The following KY variants were observed in gnomAD, a reference collection of about 807,000 sequenced individuals.
KY encodes the protein kyphoscoliosis peptidase.
A neutral mutation model predicts 76.1 loss-of-function variants in KY; 43 were observed. The ratio of observed to expected loss-of-function variants is 0.57; its 90% CI spans 0.44 to 0.73. The LOEUF (loss-of-function observed/expected upper bound fraction) is 0.73. Ranked by LOEUF, KY falls within the 30% of genes least tolerant of loss-of-function variation. KY has a pLI of 0.00. For synonymous variants in KY, 277 were observed against 326.2 expected (o/e 0.85, Z 1.63); for missense variants, 722 against 828.9 (o/e 0.87, Z 1.58).
chr3:134,633,075 C>T (rs1167579018), intron 3 of KY, among the ~76,000 whole-genome samples: 1 of 152,014 alleles, frequency 6.6e-6, no homozygotes, highest in East Asian at 1.9e-4. Context: ...AAGCAGATAA[C>T]CTAAGTATTC....
intron 10 of KY, among the ~76,000 whole-genome samples, chr3:134,605,160 G>C (rs968084743): frequency 2.0e-5 from 3 of 151,982 alleles, no homozygotes; most frequent in African/African-American, 7.3e-5. Flanking sequence ...TTTCATCTTC[G>C]TCTGTCCTGG....
Position 134,649,254 on chromosome 3 carries a change from G to A in KY, c.136+1571C>T, listed in dbSNP as rs1210808862. ...TTTTTTCTCTGTCATAGTCACTAGT[G>A]TGCATACATGAGTCTGGAGCCATGG... On this transcript the variant is annotated intron_variant, in intron 1 of 10. Transcript: ENST00000423778. Among the ~76,000 whole-genome samples, 3 of 152,188 alleles carry A rather than the reference G, an allele frequency of 2.0e-5. No homozygotes were observed. The East Asian group carries it at 5.8e-4, about 29-fold the overall frequency.
At chr3:134,645,273 G>A (rs1264248487) in intron 2 of KY, among the ~76,000 whole-genome samples, 1 of 152,192 alleles carries the variant, frequency 6.6e-6, no homozygotes, top group Non-Finnish European at 1.5e-5. Context: ...GCTTCGAAAA[G>A]TTTGGAGCTC....
At chr3:134,615,718 T>C (rs552879625) in intron 8 of KY, among the ~76,000 whole-genome samples, 9 of 152,202 alleles carry the variant, frequency 5.9e-5, no homozygotes, top group South Asian at 2.1e-4. Context: ...AGCATCAGAT[T>C]TGGTGATAAT....
chr3:134,612,493 A>C (rs1442666055), intron 8 of KY, among the ~76,000 whole-genome samples: 1 of 152,098 alleles, frequency 6.6e-6, no homozygotes, highest in Non-Finnish European at 1.5e-5. Flanking sequence ...TCTCAGGATG[A>C]GGAAGTCTGG....
intron 4 of KY, among the ~76,000 whole-genome samples, chr3:134,628,255 C>T (rs899750766): frequency 1.3e-5 from 2 of 152,198 alleles, no homozygotes; most frequent in African/African-American, 4.8e-5. Context: ...AAGGTCAAAA[C>T]CTAGAAAGGT....
rs199625883 is a variant in KY, at chr3:134,619,217, G to T, written c.641C>A (p.Pro214His). The change falls in exon 8 of 11, where the codon CCC becomes CAC. Residue 214 changes from proline (P) to histidine (H), a missense_variant. By Grantham distance (77) the Pro-to-His change is moderately conservative. Transcript: ENST00000423778. ...CTTCTGGGTCCGCAGGATGTCAGTG[G>T]GTTTGAAGGCTTGGCGGTCCTTCTC... ...AQEKDRQAFKPTDILRTQKTN... is the reference protein window; with the variant it reads ...AQEKDRQAFKHTDILRTQKTN... 2 of 1,613,836 alleles carry T rather than the reference G, an allele frequency of 1.2e-6. No homozygotes were observed. The highest frequency in any genetic ancestry group is 1.3e-5 in the African/African-American group (1 of 74,898).
At chr3:134,643,829 C>CT (rs3064322) in intron 2 of KY, among the ~76,000 whole-genome samples, 19,936 of 142,936 alleles carry the variant, frequency 0.14, 1,582 homozygotes, top group South Asian at 0.25. Flanking sequence ...TCTCCTGCTT[C>CT]TTTTTTTTTT....
At chr3:134,633,215 C>T (rs1027108209) in intron 3 of KY, among the ~76,000 whole-genome samples, 9 of 151,954 alleles carry the variant, frequency 5.9e-5, no homozygotes, top group African/African-American at 9.7e-5. Context: ...TAGGATCTTT[C>T]GTAAAACAGA....
chr3:134,626,805 C>T (rs1014719196), intron 5 of KY, among the ~76,000 whole-genome samples: 10 of 152,196 alleles, frequency 6.6e-5, no homozygotes, highest in African/African-American at 1.4e-4. Flanking sequence ...TGTCATCAAC[C>T]GCTGTGCTGT....
At chr3:134,618,535 C>A in intron 8 of KY, among the ~76,000 whole-genome samples, 1 of 133,466 alleles carries the variant, frequency 7.5e-6, no homozygotes, top group Non-Finnish European at 1.6e-5. Flanking sequence ...CATCCCCTCC[C>A]CCCACCCCAC....
chr3:134,643,813 G>A (rs1032952069), intron 2 of KY, among the ~76,000 whole-genome samples: 21 of 150,388 alleles, frequency 1.4e-4, no homozygotes, highest in Non-Finnish European at 3.1e-4. Flanking sequence ...CTGACTCCCA[G>A]TTGAGTCTCC....
intron 3 of KY, among the ~76,000 whole-genome samples, chr3:134,638,424 A>C (rs547371360): frequency 3.3e-5 from 5 of 152,308 alleles, no homozygotes; most frequent in Non-Finnish European, 7.4e-5. Flanking sequence ...CTTGACTATT[A>C]ACCACCACAA....
chr3:134,605,734 C>T (rs909426962), intron 10 of KY, among the ~76,000 whole-genome samples: 1 of 152,018 alleles, frequency 6.6e-6, no homozygotes, highest in Non-Finnish European at 1.5e-5. Context: ...TTCCCTCTGC[C>T]CCCACCCTCC....
At chr3:134,608,105 G>A in intron 10 of KY, 1 of 1,126,772 alleles carries the variant, frequency 8.9e-7, no homozygotes, top group Non-Finnish European at 1.1e-6. Context: ...GACCCATGTT[G>A]CTCCCCATCC....
Position 134,603,787 on chromosome 3 carries a change from C to T in KY, c.1778G>A (p.Arg593Gln), listed in dbSNP as rs745454524. ...CAGCTTCAATTTGAATGGGACATTC[C>T]GGTTGGCAGGAAGCACACCTGACAG... ...EPLSGVLPANRNVPFKLKLHG... is the reference protein window; with the variant it reads ...EPLSGVLPANQNVPFKLKLHG... Residue 593 changes from arginine to glutamine, a missense_variant, in exon 11 of 11, where the codon CGG (arginine) becomes CAG (glutamine). Arg to Gln is a conservative substitution (Grantham distance 43, BLOSUM62 1). Coordinates refer to ENST00000423778, the MANE Select transcript of KY (RefSeq NM_178554.6). The T allele has an allele frequency of 2.9e-5, 46 of 1,613,144 alleles. No individual in the cohort carries two copies. Among genetic ancestry groups the T allele is most frequent in the East Asian group, 2.2e-4 (10 of 44,864 alleles).
At chr3:134,619,908 C>G (rs1962301309) in intron 7 of KY, 1 of 152,652 alleles carries the variant, frequency 6.6e-6, no homozygotes, top group Non-Finnish European at 1.5e-5. Context: ...GGGATGGGAG[C>G]TGAGCTGGGG....
In KY at chr3:134,608,689, C is replaced by G; in HGVS notation, c.1050G>C (p.Gly350=). The G allele has an allele frequency of 6.2e-7, 1 of 1,614,050 alleles. No homozygotes were observed. Among genetic ancestry groups the G allele is most frequent in the South Asian group, 1.1e-5 (1 of 91,088 alleles). ...AAGTCTCTGGGTGGGCACTCAGCAT[C>G]CCTTTGTTGTAGAATTCACTCTTGT... ...MYHKSEFYNK[G]MLSAHPETSM... Residue 350 remains glycine, a synonymous_variant, in exon 10 of 11, where the codon GGG becomes GGC. Coordinates refer to ENST00000423778, the MANE Select transcript of KY (RefSeq NM_178554.6).
Position 134,619,299 on chromosome 3 carries a change from G to T in KY, c.593-34C>A, listed in dbSNP as rs769591551. Reference sequence around the variant, plus strand: ...CAGGTGAGGGGATCATGAAGAGCTTGAGCCTGGGAGGCGAGAAGACTCCAC... The same window carrying T: ...CAGGTGAGGGGATCATGAAGAGCTTTAGCCTGGGAGGCGAGAAGACTCCAC... On this transcript the variant is annotated intron_variant, in intron 7 of 10. Transcript: ENST00000423778. 4 of 1,541,952 alleles carry T rather than the reference G, an allele frequency of 2.6e-6. No homozygotes were observed. In the Admixed American group the frequency reaches 6.7e-5, roughly 26 times the overall value.
Sources: gnomAD v4.1 joint callset for allele counts (sites outside exome capture counted in the v4.1 genomes callset) on GRCh38, gnomAD v4.1.1 for gene constraint, MANE v1.5 for transcripts, NCBI Gene and HGNC (gene_info 2026-07-23, HGNC 2026-07-21) for gene names.